Variants in CNTNAP2 observed in about 807,000 individuals in gnomAD.
The protein encoded by CNTNAP2 is contactin-associated protein-like 2.
Under a neutral mutation model 155.2 loss-of-function variants are expected in CNTNAP2, and 98 were observed. The ratio of observed to expected loss-of-function variants is 0.63; its 90% CI spans 0.54 to 0.75. The LOEUF (loss-of-function observed/expected upper bound fraction) is 0.75, where lower values mean the gene tolerates loss of function less well. Among genes scored for constraint, CNTNAP2 ranks in the 30% least tolerant of loss-of-function variants. The pLI is 0.00. For missense variants in CNTNAP2, 1,727 were observed against 1,688.1 expected (o/e 1.02, Z -0.40); for synonymous variants, 651 against 631.2 (o/e 1.03, Z -0.47).
rs1799131907 is a variant in CNTNAP2 at position 146,217,454 on chromosome 7, C to T, written c.97+100481C>T. On this transcript the variant is annotated intron_variant, in intron 1 of 23. Coordinates refer to ENST00000361727, the MANE Select transcript of CNTNAP2 (RefSeq NM_014141.6). ...TGTCACAGGGGTTTGGTATACAGAT[C>T]ATTTCATCACCTAGGTAATAAACAT... Among the ~76,000 whole-genome samples the T allele has an allele frequency of 2.6e-5, 4 of 152,130 alleles. No homozygotes were observed. In the South Asian group the frequency reaches 8.3e-4, roughly 32 times the overall value.
At chr7:148,166,823 A>G (rs1389132107) in intron 17 of CNTNAP2, among the ~76,000 whole-genome samples, 1 of 152,220 alleles carries the variant, frequency 6.6e-6, no homozygotes, top group Non-Finnish European at 1.5e-5. Flanking sequence ...TTGAAGACCT[A>G]TAATTTAAAC....
rs189315490 is a variant in CNTNAP2, at chr7:147,766,772, G to A, written c.2098+127466G>A. Among the ~76,000 whole-genome samples the A allele has an allele frequency of 3.9e-3, 600 of 152,076 alleles. 1 individual carries two copies. Among genetic ancestry groups the A allele is most frequent in the Middle Eastern group, 0.017 (5 of 290 alleles). On this transcript the variant is annotated intron_variant, in intron 13 of 23. Coordinates refer to ENST00000361727, the MANE Select transcript of CNTNAP2 (RefSeq NM_014141.6). ...ATGCATTAAACTACACATAAAGTTT[G>A]GTAGATATTTTCCCCCAAAATACTA...
intron 1 of CNTNAP2, among the ~76,000 whole-genome samples, chr7:146,718,766 C>A (rs1801235174): frequency 6.6e-6 from 1 of 152,030 alleles, no homozygotes; most frequent in Non-Finnish European, 1.5e-5. Flanking sequence ...ACCAAGAAAT[C>A]ATAAAAACAG....
intron 11 of CNTNAP2, among the ~76,000 whole-genome samples, chr7:147,496,374 A>G (rs1181943836): frequency 6.6e-6 from 1 of 152,184 alleles, no homozygotes; most frequent in African/African-American, 2.4e-5. Flanking sequence ...TTATTTCTGA[A>G]GTAAGGAGAA....
chr7:147,508,805 G>GC (rs1798962370), intron 11 of CNTNAP2, among the ~76,000 whole-genome samples: 2 of 152,120 alleles, frequency 1.3e-5, no homozygotes, highest in African/African-American at 4.8e-5. Flanking sequence ...TGTAAGACAT[G>GC]CCTATGACTC....
intron 10 of CNTNAP2, among the ~76,000 whole-genome samples, chr7:147,470,037 G>A (rs1798188850): frequency 6.6e-6 from 1 of 152,180 alleles, no homozygotes; most frequent in Admixed American, 6.5e-5. Flanking sequence ...GAATTCAATA[G>A]GAATTGAATG....
At chr7:146,415,184 G>A (rs1795921380) in intron 1 of CNTNAP2, among the ~76,000 whole-genome samples, 3 of 152,020 alleles carry the variant, frequency 2.0e-5, no homozygotes, top group Non-Finnish European at 4.4e-5. Flanking sequence ...CTGCCATGGT[G>A]AGCACTCTGC....
chr7:148,390,485 G>A (rs570788488), intron 22 of CNTNAP2, among the ~76,000 whole-genome samples: 2 of 152,206 alleles, frequency 1.3e-5, no homozygotes, highest in Non-Finnish European at 2.9e-5. Flanking sequence ...GTGCCTTGCT[G>A]TGAAGAGTAA....
intron 14 of CNTNAP2, among the ~76,000 whole-genome samples, chr7:147,911,437 G>C (rs992049753): frequency 6.6e-6 from 1 of 152,100 alleles, no homozygotes; most frequent in African/African-American, 2.4e-5. Flanking sequence ...GGTCTCGAGG[G>C]GTCTTATTTC....
chr7:146,120,908 T>C (rs1021129180), intron 1 of CNTNAP2, among the ~76,000 whole-genome samples: 2 of 152,104 alleles, frequency 1.3e-5, no homozygotes, highest in Non-Finnish European at 2.9e-5. Flanking sequence ...CTCTATGATG[T>C]TGGCACAAAG....
intron 13 of CNTNAP2, among the ~76,000 whole-genome samples, chr7:147,678,073 G>A (rs571234762): frequency 6.1e-4 from 92 of 151,770 alleles, no homozygotes; most frequent in South Asian, 3.7e-3. Flanking sequence ...TCAAATAATT[G>A]ATAACCTAAA....
chr7:147,809,646 T>A (rs1184865565), intron 13 of CNTNAP2, among the ~76,000 whole-genome samples: 2 of 152,254 alleles, frequency 1.3e-5, no homozygotes, highest in Non-Finnish European at 2.9e-5. Context: ...TTCTTTTTTG[T>A]CTTCAGCTGC....
At chr7:147,568,987 T>C (rs986678018) in intron 12 of CNTNAP2, among the ~76,000 whole-genome samples, 9 of 152,200 alleles carry the variant, frequency 5.9e-5, no homozygotes, top group African/African-American at 2.2e-4. Flanking sequence ...TAAGCAAGCA[T>C]CTGTGCTCTA....
At chr7:148,162,172 G>C (rs1297987303) in intron 17 of CNTNAP2, among the ~76,000 whole-genome samples, 1 of 152,050 alleles carries the variant, frequency 6.6e-6, no homozygotes, top group Non-Finnish European at 1.5e-5. Flanking sequence ...GAGGGGGAGG[G>C]GGAGATACAT....
At chr7:147,980,336 T>G (rs756918154) in intron 15 of CNTNAP2, among the ~76,000 whole-genome samples, 2 of 152,222 alleles carry the variant, frequency 1.3e-5, no homozygotes, top group Non-Finnish European at 2.9e-5. Flanking sequence ...GGGCTGTTGT[T>G]CTTAGAAACA....
chr7:147,004,122 G>A (rs1798479617), intron 3 of CNTNAP2, among the ~76,000 whole-genome samples: 2 of 150,052 alleles, frequency 1.3e-5, no homozygotes, highest in South Asian at 4.2e-4. Flanking sequence ...ATGATATTTG[G>A]CGAGGAAATA....
chr7:148,104,349 A>T (rs1804165377), intron 15 of CNTNAP2, among the ~76,000 whole-genome samples: 1 of 152,346 alleles, frequency 6.6e-6, no homozygotes, highest in Non-Finnish European at 1.5e-5. Context: ...CCAGTTTCAC[A>T]TCCGTCATTC....
chr7:147,253,430 G>C (rs1024059759), intron 8 of CNTNAP2, among the ~76,000 whole-genome samples: 8 of 139,342 alleles, frequency 5.7e-5, no homozygotes, highest in African/African-American at 2.2e-4. Flanking sequence ...TTACAAGATA[G>C]AACATCGTCT....
chr7:146,629,279 C>T lies in CNTNAP2; in HGVS notation c.98-144992C>T, dbSNP rs554904624. Among the ~76,000 whole-genome samples the T allele has an allele frequency of 5.9e-5, 9 of 152,204 alleles. No individual in the cohort carries two copies. In the South Asian group the frequency reaches 1.2e-3, roughly 21 times the overall value. The stretch of plus-strand genomic sequence containing the variant: ...CATAGAATTACATACTATTTAGAAA[C>T]GGGCTAATGTAGGCATGAGAAATGT... On this transcript the variant is annotated intron_variant, in intron 1 of 23. Coordinates refer to ENST00000361727, the MANE Select transcript of CNTNAP2 (RefSeq NM_014141.6).
Sources: gnomAD v4.1 joint callset for allele counts (sites outside exome capture counted in the v4.1 genomes callset) on GRCh38, gnomAD v4.1.1 for gene constraint, MANE v1.5 for transcripts, NCBI Gene and HGNC (gene_info 2026-07-23, HGNC 2026-07-21) for gene names.